IQUB: variants seen among roughly 807,000 people sequenced by gnomAD.
IQUB encodes IQ motif and ubiquitin-like domain-containing protein.
Under a neutral mutation model 86.4 loss-of-function variants are expected in IQUB, and 86 were observed. That is an observed-to-expected ratio of 1.00 (90% CI 0.84 to 1.19). IQUB has a LOEUF of 1.19. Ranked by LOEUF, IQUB falls within the 50% of genes most tolerant of loss-of-function variation. The pLI, the probability that IQUB is intolerant of heterozygous loss-of-function variation, is 0.00. For missense variants in IQUB, 946 were observed against 916.9 expected, an observed-to-expected ratio of 1.03 and a Z score of -0.41; for synonymous variants, 289 against 304.5, an observed-to-expected ratio of 0.95 and a Z score of 0.53.
chr7:123,515,270 T>G (rs1041250522), intron 1 of IQUB, among the ~76,000 whole-genome samples: 6 of 152,112 alleles, frequency 3.9e-5, no homozygotes, highest in African/African-American at 1.4e-4. Flanking sequence ...TGGTATCTTC[T>G]AAAAACAGCA....
chr7:123,464,705 C>A, intron 10 of IQUB, 128 bp downstream of exon 10: 1 of 521,746 alleles, frequency 1.9e-6, no homozygotes, highest in Non-Finnish European at 3.4e-6. Context: ...AAAGGAGATA[C>A]TACCAATAAG....
At chr7:123,462,567 T>A (rs866636018) in intron 10 of IQUB, 16 of 204,662 alleles carry the variant, frequency 7.8e-5, no homozygotes, top group Non-Finnish European at 1.1e-4. Context: ...AGAAAATATG[T>A]AAATTTAAAA....
Position 123,513,901 on chromosome 7 carries a change from A to G in IQUB, c.-4-1557T>C, listed in dbSNP as rs554517356. The stretch of plus-strand genomic sequence containing the variant: ...TGGCCTCAAGTGATTCATCTGCCTC[A>G]GCCTCCCAAAGTGTTGGGATTACAG... On this transcript the variant is annotated intron_variant, in intron 1 of 12. Coordinates refer to ENST00000324698, the MANE Select transcript of IQUB (RefSeq NM_178827.5). Among the ~76,000 whole-genome samples the G allele has an allele frequency of 6.0e-4, 91 of 152,306 alleles. 1 individual carries two copies. Among genetic ancestry groups the G allele is most frequent in the African/African-American group, 2.1e-3 (86 of 41,572 alleles).
chr7:123,529,853 T>G (rs1307005561), intron 1 of IQUB, among the ~76,000 whole-genome samples: 1 of 144,910 alleles, frequency 6.9e-6, no homozygotes, highest in African/African-American at 2.6e-5. Context: ...GCCAACATGA[T>G]AAAACCCTGT....
intron 8 of IQUB, among the ~76,000 whole-genome samples, chr7:123,471,056 C>T (rs528828841): frequency 6.6e-6 from 1 of 152,194 alleles, no homozygotes; most frequent in East Asian, 1.9e-4. Context: ...GAATGTTATT[C>T]AGAGGTAGGA....
At chr7:123,528,194 C>T (rs1584664583) in intron 1 of IQUB, among the ~76,000 whole-genome samples, 1 of 152,134 alleles carries the variant, frequency 6.6e-6, no homozygotes, top group African/African-American at 2.4e-5. Flanking sequence ...TGCACGCACC[C>T]ACTGACCTGC....
intron 10 of IQUB, among the ~76,000 whole-genome samples, chr7:123,463,290 G>GAATTTACCCCAAAACAATC (rs1794089589): frequency 1.3e-5 from 2 of 151,570 alleles, no homozygotes; most frequent in African/African-American, 4.8e-5. Context: ...CACTTTCTAG[G>GAATTTACCCCAAAACAATC]AATTTACCCC....
chr7:123,458,111 A>T (rs1310364097), intron 11 of IQUB: 1 of 152,030 alleles, frequency 6.6e-6, no homozygotes, highest in Non-Finnish European at 1.5e-5. Context: ...TTGAGATTTA[A>T]TAAAGATAAG....
chr7:123,452,573 ATACT>A lies in IQUB; in HGVS notation c.*166_*169del, dbSNP rs1462209617. 4.9e-6 allele frequency: 2 copies of A among 405,702 alleles called. No homozygotes were observed. Among genetic ancestry groups the A allele is most frequent in the Non-Finnish European group, 8.7e-6 (2 of 231,206 alleles). 25.1% of individuals were successfully genotyped at this position (405,702 alleles called of 1,614,324 possible). ...TTTAGCACCAACTTCCTAACAAAGAATACTTACTTATATAGAAATGTTTTCTCTT... is the reference window on the plus strand; with the variant it reads ...TTTAGCACCAACTTCCTAACAAAGAATACTTATATAGAAATGTTTTCTCTT... On this transcript the variant is annotated 3_prime_UTR_variant, in exon 13 of 13. Transcript: ENST00000324698.
At chr7:123,522,794 C>T (rs1399531629) in intron 1 of IQUB, among the ~76,000 whole-genome samples, 1 of 151,858 alleles carries the variant, frequency 6.6e-6, no homozygotes, top group Non-Finnish European at 1.5e-5. Flanking sequence ...TGCTGGTGTG[C>T]TGCACCCATT....
chr7:123,472,775 AG>A (rs1407866242), intron 8 of IQUB, among the ~76,000 whole-genome samples: 1 of 152,192 alleles, frequency 6.6e-6, no homozygotes, highest in Non-Finnish European at 1.5e-5. Flanking sequence ...TTTTGATTTC[AG>A]GGCTTAAGGT....
At chr7:123,528,204 C>G (rs1240680241) in intron 1 of IQUB, among the ~76,000 whole-genome samples, 1 of 152,274 alleles carries the variant, frequency 6.6e-6, no homozygotes, top group Admixed American at 6.5e-5. Flanking sequence ...CACTGACCTG[C>G]GCCCACTGTC....
At chr7:123,522,303 T>G (rs1479605030) in intron 1 of IQUB, among the ~76,000 whole-genome samples, 1 of 152,216 alleles carries the variant, frequency 6.6e-6, no homozygotes, top group African/African-American at 2.4e-5. Context: ...CTTGAAGCAC[T>G]GGCTACTTCT....
chr7:123,489,630 T>C (rs979963687), intron 7 of IQUB, among the ~76,000 whole-genome samples: 3 of 151,394 alleles, frequency 2.0e-5, no homozygotes, highest in South Asian at 2.1e-4. Context: ...ACTTAGGAAA[T>C]AGGTTAAACA....
chr7:123,523,389 G>T (rs1263519422), intron 1 of IQUB, among the ~76,000 whole-genome samples: 1 of 150,168 alleles, frequency 6.7e-6, no homozygotes, highest in African/African-American at 2.5e-5. Context: ...TTTAATGATT[G>T]CCATTCTAAC....
chr7:123,458,516 TA>T (rs1349244371), intron 11 of IQUB, among the ~76,000 whole-genome samples: 1 of 152,004 alleles, frequency 6.6e-6, no homozygotes, highest in Non-Finnish European at 1.5e-5. Context: ...TACTTAATGC[TA>T]AAAAAGACAA....
chr7:123,517,087 C>T (rs1426786367), intron 1 of IQUB, among the ~76,000 whole-genome samples: 1 of 152,182 alleles, frequency 6.6e-6, no homozygotes, highest in Non-Finnish European at 1.5e-5. Flanking sequence ...GCCATACACA[C>T]AGTGGGTTTG....
At chr7:123,527,971 C>T (rs1319084468) in intron 1 of IQUB, among the ~76,000 whole-genome samples, 3 of 152,230 alleles carry the variant, frequency 2.0e-5, no homozygotes, top group South Asian at 2.1e-4. Flanking sequence ...AGCGAGACTC[C>T]GTGGGCGTAG....
chr7:123,457,177 A>T, intron 12 of IQUB: 1 of 968,836 alleles, frequency 1.0e-6, no homozygotes, highest in Non-Finnish European at 1.2e-6. Context: ...TAGGACTTGT[A>T]ATATGTTCAA....
Sources: allele counts gnomAD v4.1 joint callset (sites outside exome capture counted in the v4.1 genomes callset), GRCh38; gene constraint gnomAD v4.1.1; transcripts MANE v1.5; gene names NCBI Gene and HGNC (gene_info 2026-07-23, HGNC 2026-07-21).